The following ITGB1 variants were observed in gnomAD, a reference collection of about 807,000 sequenced individuals.
The protein encoded by ITGB1 is integrin beta-1.
In ITGB1, 24 loss-of-function variants were observed where a neutral mutation model predicts 86.5. The observed-to-expected ratio is 0.28, with a 90% CI of 0.20 to 0.39. The LOEUF (loss-of-function observed/expected upper bound fraction) is 0.39, where lower values mean the gene tolerates loss of function less well. ITGB1 is among the 10% of genes least tolerant of loss of function. ITGB1 has a pLI of 1.00. For synonymous variants in ITGB1, 323 were observed against 316.8 expected (o/e 1.02, Z -0.21); for missense variants, 556 against 946.9 (o/e 0.59, Z 5.42).
intron 1 of ITGB1, among the ~76,000 whole-genome samples, chr10:32,956,541 C>G (rs1485889918): frequency 1.3e-5 from 2 of 151,968 alleles, no homozygotes; most frequent in Non-Finnish European, 2.9e-5. Flanking sequence ...AATCCTGTCT[C>G]TACAAAAAAT....
intron 11 of ITGB1, among the ~76,000 whole-genome samples, chr10:32,915,721 A>G (rs2094929473): frequency 1.3e-5 from 2 of 152,358 alleles, no homozygotes; most frequent in East Asian, 3.9e-4. Context: ...TCACAGCCGA[A>G]TTCTACCAGA....
At chr10:32,924,338 T>C (rs1047147986) in intron 6 of ITGB1, among the ~76,000 whole-genome samples, 3 of 152,230 alleles carry the variant, frequency 2.0e-5, no homozygotes, top group African/African-American at 7.2e-5. Context: ...CCCTTTCCAA[T>C]AAAGAATCTA....
chr10:32,903,503 T>C (rs1049607356), intron 15 of ITGB1, among the ~76,000 whole-genome samples: 2 of 151,924 alleles, frequency 1.3e-5, no homozygotes, highest in Non-Finnish European at 2.9e-5. Flanking sequence ...GGGAAAAACA[T>C]TAACATATAA....
intron 15 of ITGB1, among the ~76,000 whole-genome samples, chr10:32,907,729 G>A (rs891584455): frequency 6.6e-6 from 1 of 151,898 alleles, no homozygotes; most frequent in Non-Finnish European, 1.5e-5. Context: ...TATAGCAGGG[G>A]TGTCCAATCT....
chr10:32,928,372 ATGT>A (rs2094972250), intron 4 of ITGB1, 108 bp from the exon 5 acceptor site: 1 of 580,796 alleles, frequency 1.7e-6, no homozygotes, highest in Non-Finnish European at 3.1e-6. Context: ...AAAATAAAAC[ATGT>A]TGTCATAATT....
At position 32,915,868 on chromosome 10, in the gene ITGB1, G is replaced by T. The variant is rs1277292074; in HGVS notation, c.1470-3744C>A. Among the ~76,000 whole-genome samples, 4 of 152,246 alleles carry T rather than the reference G, an allele frequency of 2.6e-5. No homozygotes were observed. The East Asian group carries it at 7.7e-4, about 29-fold the overall frequency. On this transcript the variant is annotated intron_variant, in intron 11 of 15. Transcript: ENST00000302278. ...CTGGCAGAGACACAACAAAGAAAGA[G>T]AATTTTAGACCAATATCCCTGATGA...
At chr10:32,918,464 T>C (rs2094938843) in intron 11 of ITGB1, among the ~76,000 whole-genome samples, 1 of 151,578 alleles carries the variant, frequency 6.6e-6, no homozygotes, top group Non-Finnish European at 1.5e-5. Context: ...TAGGTGGGAG[T>C]GTCCATGCCA....
intron 15 of ITGB1, among the ~76,000 whole-genome samples, chr10:32,905,785 C>T (rs2094894602): frequency 6.6e-6 from 1 of 152,136 alleles, no homozygotes; most frequent in Non-Finnish European, 1.5e-5. Context: ...TGTAAGTGTT[C>T]CCAATACCAT....
At position 32,900,726 on chromosome 10, in the gene ITGB1, TGACA is replaced by T. The variant is rs1437838147; in HGVS notation, c.*840_*843del. 4.3e-5 allele frequency: 6 copies of T among 139,166 alleles called. No individual in the cohort carries two copies. The East Asian group carries it at 1.0e-3, about 24-fold the overall frequency. The allele number at this position is 139,166 out of a possible 1,614,324, so 8.6% of individuals were successfully genotyped here. The stretch of plus-strand genomic sequence containing the variant: ...AAATACATTAAAAGATTAGAAGAGG[TGACA>T]GAAAGCACCAGACATTAAACAAAAT... On this transcript the variant is annotated 3_prime_UTR_variant, in exon 16 of 16. Coordinates refer to ENST00000302278, the MANE Select transcript of ITGB1 (RefSeq NM_002211.4).
rs1379785599 is a variant in ITGB1, at chr10:32,921,546, CACGAGACACACAAGGGTT to C, written c.1128+693_1128+710del. On this transcript the variant is annotated intron_variant, in intron 9 of 15. Coordinates refer to ENST00000302278, the MANE Select transcript of ITGB1 (RefSeq NM_002211.4). ...AGGGGGATGGGGGCTGAAAGTGGTG[CACGAGACACACAAGGGTT>C]ACCTACCAAATTACAACCGCCTTCA... Among the ~76,000 whole-genome samples, 32 of 152,100 alleles carry C rather than the reference CACGAGACACACAAGGGTT, an allele frequency of 2.1e-4. 2 individuals are homozygous for C. Among genetic ancestry groups the C allele is most frequent in the Non-Finnish European group, 2.9e-5 (2 of 68,012 alleles).
rs530130127 is a variant in ITGB1 at position 32,922,352 on chromosome 10, A to G, written c.1039-6T>C. ...GGGATCAAGTTTTTCAGCTCCTGCAATTAAAAGATAAAACACGTAAAATAC... is the reference window on the plus strand; with the variant it reads ...GGGATCAAGTTTTTCAGCTCCTGCAGTTAAAAGATAAAACACGTAAAATAC... On this transcript the variant is annotated splice_region_variant and splice_polypyrimidine_tract_variant and intron_variant, in intron 8 of 15. Coordinates refer to ENST00000302278, the MANE Select transcript of ITGB1 (RefSeq NM_002211.4). The G allele has an allele frequency of 6.3e-7, 1 of 1,589,548 alleles. No homozygotes were observed. Among genetic ancestry groups the G allele is most frequent in the African/African-American group, 1.3e-5 (1 of 74,336 alleles).
chr10:32,922,833 G>C (rs2094954302), intron 7 of ITGB1, 98 bp from the exon 8 acceptor site: 1 of 646,336 alleles, frequency 1.5e-6, no homozygotes, highest in Admixed American at 3.2e-5. Flanking sequence ...CACATAACTC[G>C]ATTACAAGAC....
intron 1 of ITGB1, chr10:32,953,768 G>C (rs150404056): frequency 6.6e-6 from 1 of 152,172 alleles, no homozygotes; most frequent in African/African-American, 2.4e-5. Flanking sequence ...TCTCCCAATC[G>C]AGAAGCCTTT....
At chr10:32,923,888 G>T in intron 6 of ITGB1, 148 bp from the exon 7 acceptor site, 2 of 676,896 alleles carry the variant, frequency 3.0e-6, no homozygotes, top group Non-Finnish European at 4.9e-6. Context: ...TTATCTTGCT[G>T]AGAAACACAC....
At chr10:32,931,463 G>T (rs1000456127) in intron 3 of ITGB1, among the ~76,000 whole-genome samples, 1 of 152,026 alleles carries the variant, frequency 6.6e-6, no homozygotes, top group Non-Finnish European at 1.5e-5. Context: ...TCTAATTATT[G>T]TAACAATAGA....
At chr10:32,901,881 T>C (rs2094882824) in intron 15 of ITGB1, among the ~76,000 whole-genome samples, 1 of 152,246 alleles carries the variant, frequency 6.6e-6, no homozygotes, top group African/African-American at 2.4e-5. Flanking sequence ...GAGTCCTTCC[T>C]CCACTGGAGG....
Position 32,930,058 on chromosome 10 carries a change from A to G in ITGB1, c.154-14T>C. 1.2e-6 allele frequency: 1 copy of G among 858,162 alleles called. No homozygotes were observed. Among genetic ancestry groups the G allele is most frequent in the African/African-American group, 1.7e-5 (1 of 59,986 alleles). The allele number at this position is 858,162 out of a possible 1,614,324, so 53.2% of individuals were successfully genotyped here. The stretch of plus-strand genomic sequence containing the variant: ...CTGTAAAAATGTCTAAATGACATAT[A>G]AAATATAGGTATAAATGAAAATTGT... On this transcript the variant is annotated splice_polypyrimidine_tract_variant and intron_variant, in intron 3 of 15. Coordinates refer to ENST00000302278, the MANE Select transcript of ITGB1 (RefSeq NM_002211.4).
chr10:32,911,782 A>C (rs2094914269), intron 12 of ITGB1, 104 bp downstream of exon 12: 2 of 1,411,530 alleles, frequency 1.4e-6, no homozygotes, highest in Non-Finnish European at 2.0e-6. Context: ...GGCGAGACTG[A>C]CCCTCAAGCT....
chr10:32,948,412 A>G (rs189194906), intron 1 of ITGB1, among the ~76,000 whole-genome samples: 23 of 152,336 alleles, frequency 1.5e-4, no homozygotes, highest in Non-Finnish European at 2.4e-4. Flanking sequence ...CTGAACACTG[A>G]TATCACAGAA....
Sources: allele counts gnomAD v4.1 joint callset (sites outside exome capture counted in the v4.1 genomes callset), GRCh38; gene constraint gnomAD v4.1.1; transcripts MANE v1.5; gene names NCBI Gene and HGNC (gene_info 2026-07-23, HGNC 2026-07-21).